GABBR2: variants seen among roughly 807,000 people sequenced by gnomAD.
The protein encoded by GABBR2 is gamma-aminobutyric acid type B receptor subunit 2, also known as G-protein coupled receptor 51.
In GABBR2, 23 loss-of-function variants were observed where a neutral mutation model predicts 105.6. The observed-to-expected ratio is 0.22, with a 90% confidence interval of 0.16 to 0.31. GABBR2 has a LOEUF of 0.31. Among genes scored for constraint, GABBR2 ranks in the 10% least tolerant of loss-of-function variants. The probability of loss-of-function intolerance (pLI) is 1.00; values close to 1 mark genes in which losing one functional copy is unlikely to be tolerated. For synonymous variants in GABBR2, 478 were observed against 499.7 expected, an observed-to-expected ratio of 0.96 and a Z score of 0.58; for missense variants, 734 against 1,245.5, an observed-to-expected ratio of 0.59 and a Z score of 6.18.
chr9:98,417,231 G>A (rs924923441), intron 7 of GABBR2, among the ~76,000 whole-genome samples: 2 of 152,194 alleles, frequency 1.3e-5, no homozygotes, highest in Non-Finnish European at 2.9e-5. Flanking sequence ...GATCTCTCAG[G>A]AAGAGCTACG....
intron 1 of GABBR2, among the ~76,000 whole-genome samples, chr9:98,699,562 C>G (rs1830801163): frequency 6.6e-6 from 1 of 152,196 alleles, no homozygotes; most frequent in South Asian, 2.1e-4. Flanking sequence ...ATTTATTGAG[C>G]TCCTGCTCTG....
At chr9:98,566,798 CAAAAAA>C (rs55752458) in intron 2 of GABBR2, among the ~76,000 whole-genome samples, 22 of 88,202 alleles carry the variant, frequency 2.5e-4, no homozygotes, top group South Asian at 1.4e-3. Flanking sequence ...AAGACACTGT[CAAAAAA>C]AAAAAAAAAA....
At chr9:98,414,441 C>T (rs933816820) in intron 7 of GABBR2, among the ~76,000 whole-genome samples, 1 of 152,176 alleles carries the variant, frequency 6.6e-6, no homozygotes, top group African/African-American at 2.4e-5. Flanking sequence ...ATGTGACCGG[C>T]AAGGTGGACA....
At position 98,293,873 on chromosome 9, in the gene GABBR2, G is replaced by T; in HGVS notation, c.2572C>A (p.Leu858Ile). The T allele has an allele frequency of 6.2e-7, 1 of 1,611,828 alleles. No homozygotes were observed. Among genetic ancestry groups the T allele is most frequent in the African/African-American group, 1.3e-5 (1 of 74,922 alleles). ...CACTGTAGCTGGGGATTTTGATCGA[G>T]GTGATTTTTTAAAATGGCCTTTCCT... ...DGGKAILKNH[L>I]DQNPQLQWNT... is the part of the protein sequence containing the mutation. Residue 858 changes from leucine (L) to isoleucine (I), a missense_variant, in exon 18 of 19, where the codon CTC becomes ATC. Around this residue, in one of 7 missense-constraint regions of GABBR2, gnomAD observed 134 missense variants for 171.2 expected, o/e 0.78. Coordinates refer to ENST00000259455, the MANE Select transcript of GABBR2 (RefSeq NM_005458.8).
chr9:98,700,021 G>A (rs539974748), intron 1 of GABBR2, among the ~76,000 whole-genome samples: 93 of 152,320 alleles, frequency 6.1e-4, no homozygotes, highest in African/African-American at 2.2e-3. Context: ...CATGGAGGAT[G>A]ACCAACCAGG....
At chr9:98,502,616 A>G (rs1236211701) in intron 3 of GABBR2, among the ~76,000 whole-genome samples, 1 of 152,090 alleles carries the variant, frequency 6.6e-6, no homozygotes, top group Non-Finnish European at 1.5e-5. Context: ...GGGCCAGTGA[A>G]CCCCTGGCTC....
chr9:98,321,917 G>C (rs1588100552), intron 13 of GABBR2, among the ~76,000 whole-genome samples: 1 of 152,086 alleles, frequency 6.6e-6, no homozygotes, highest in East Asian at 1.9e-4. Flanking sequence ...GCCCAGCCCT[G>C]GCCTGAAACT....
intron 1 of GABBR2, among the ~76,000 whole-genome samples, chr9:98,660,805 G>A (rs1588272923): frequency 2.0e-5 from 3 of 152,128 alleles, no homozygotes; most frequent in African/African-American, 4.8e-5. Flanking sequence ...TTCTATGCCC[G>A]TGTCTCCTAC....
intron 1 of GABBR2, among the ~76,000 whole-genome samples, chr9:98,661,300 G>A (rs537799665): frequency 6.6e-6 from 1 of 152,296 alleles, no homozygotes; most frequent in Non-Finnish European, 1.5e-5. Flanking sequence ...GACATCTTGA[G>A]GCGAGGCATT....
chr9:98,531,682 C>G (rs1210894053), intron 3 of GABBR2, among the ~76,000 whole-genome samples: 1 of 152,254 alleles, frequency 6.6e-6, no homozygotes. Context: ...AGGGAACATT[C>G]ACATGAAAGA....
intron 18 of GABBR2, among the ~76,000 whole-genome samples, chr9:98,291,828 C>T (rs986117111): frequency 6.6e-6 from 1 of 152,180 alleles, no homozygotes; most frequent in Non-Finnish European, 1.5e-5. Context: ...TTAAATATCA[C>T]CTTGTTTGTG....
intron 8 of GABBR2, among the ~76,000 whole-genome samples, chr9:98,402,832 G>A (rs908948960): frequency 1.3e-5 from 2 of 152,052 alleles, no homozygotes; most frequent in African/African-American, 4.8e-5. Flanking sequence ...CAGCTTGGAC[G>A]GCCTATTCAA....
Position 98,329,863 on chromosome 9 carries a change from TTCTC to T in GABBR2, c.1894-18662_1894-18659del, listed in dbSNP as rs549774439. On this transcript the variant is annotated intron_variant, in intron 13 of 18. Coordinates refer to ENST00000259455, the MANE Select transcript of GABBR2 (RefSeq NM_005458.8). ...CTCCTCTCCTCTCCTTTTCTTCTTC[TTCTC>T]TCTCTCTCTCTCTCACACACACACA... Among the ~76,000 whole-genome samples the T allele has an allele frequency of 6.3e-3, 948 of 150,056 alleles. 8 individuals carry two copies. The highest frequency in any genetic ancestry group is 0.022 in the African/African-American group (886 of 40,988).
At chr9:98,613,454 A>AG (rs1829536946) in intron 1 of GABBR2, among the ~76,000 whole-genome samples, 1 of 151,430 alleles carries the variant, frequency 6.6e-6, no homozygotes, top group South Asian at 2.1e-4. Context: ...GAAGAAAAAA[A>AG]AAAAAAGGGT....
At chr9:98,671,859 C>T (rs1291912433) in intron 1 of GABBR2, among the ~76,000 whole-genome samples, 3 of 152,098 alleles carry the variant, frequency 2.0e-5, no homozygotes, top group East Asian at 1.9e-4. Context: ...GCTGTTGTCT[C>T]GAGATGATGG....
At chr9:98,374,295 T>C (rs528777906) in intron 11 of GABBR2, among the ~76,000 whole-genome samples, 2 of 152,358 alleles carry the variant, frequency 1.3e-5, no homozygotes, top group African/African-American at 2.4e-5. Context: ...AATTCAATAA[T>C]ATAAATTTAA....
At chr9:98,559,840 GA>G (rs983119148) in intron 2 of GABBR2, among the ~76,000 whole-genome samples, 20 of 145,728 alleles carry the variant, frequency 1.4e-4, no homozygotes, top group Middle Eastern at 3.5e-3. Context: ...GTGCATCTGT[GA>G]AAAAAAAAAT....
chr9:98,589,789 A>ACAG (rs1829122420), intron 1 of GABBR2, among the ~76,000 whole-genome samples: 1 of 148,426 alleles, frequency 6.7e-6, no homozygotes, highest in Non-Finnish European at 1.5e-5. Context: ...ATCATGGCTC[A>ACAG]CAGCAGCCTC....
intron 11 of GABBR2, among the ~76,000 whole-genome samples, chr9:98,379,968 G>T (rs1274919867): frequency 1.3e-5 from 2 of 151,328 alleles, no homozygotes; most frequent in Non-Finnish European, 2.9e-5. Context: ...GAACTTAGTT[G>T]ACTTTTTTTT....
Sources: allele counts gnomAD v4.1 joint callset (sites outside exome capture counted in the v4.1 genomes callset), GRCh38; gene constraint gnomAD v4.1.1; regional missense constraint gnomAD v4.1.1; transcripts MANE v1.5; gene names NCBI Gene and HGNC (gene_info 2026-07-23, HGNC 2026-07-21).